Variants in MYO10 observed in about 807,000 individuals in gnomAD.
MYO10 encodes the protein myosin X, also known as unconventional myosin-X.
Under a neutral mutation model 257.3 loss-of-function variants are expected in MYO10, and 133 were observed. The observed-to-expected ratio is 0.52, with a 90% CI of 0.45 to 0.60. The LOEUF is 0.60. MYO10 is among the 20% of genes least tolerant of loss of function. MYO10 has a pLI of 0.00. For synonymous variants in MYO10, 1,104 were observed against 1,028.6 expected (o/e 1.07, Z -1.40); for missense variants, 2,399 against 2,635.7 (o/e 0.91, Z 1.97).
Position 16,676,139 on chromosome 5 carries a change from A to C in MYO10, c.4558T>G (p.Ser1520Ala). Residue 1520 changes from serine to alanine, a missense_variant, in exon 34 of 41, where the codon TCG (serine) becomes GCG (alanine). Coordinates refer to ENST00000513610, the MANE Select transcript of MYO10 (RefSeq NM_012334.3). ...TTGTAAATCTGTTCCACCACATCCG[A>C]GTTCAGGCAGTTCTCCTAAAAATAA... is the stretch of plus-strand genomic sequence containing the variant. ...IQDIKENCLN[S>A]DVVEQIYKRN... 1 of 1,612,622 alleles carries C rather than the reference A, an allele frequency of 6.2e-7. No individual in the cohort carries two copies. The highest frequency in any genetic ancestry group is 8.5e-7 in the Non-Finnish European group (1 of 1,179,516).
rs150097459 is a variant in MYO10, at chr5:16,680,135, C to T, written c.4385-31G>A. 15,254 of 1,593,398 alleles carry T rather than the reference C, an allele frequency of 9.6e-3. 95 individuals are homozygous for T. Among genetic ancestry groups the T allele is most frequent in the Non-Finnish European group, 0.01 (12,222 of 1,165,136 alleles). On this transcript the variant is annotated intron_variant, in intron 32 of 40. Coordinates refer to ENST00000513610, the MANE Select transcript of MYO10 (RefSeq NM_012334.3). The stretch of plus-strand genomic sequence containing the variant: ...ATGGCAGGGGTGCCCAGCACACGCA[C>T]GTCAACGCCAACCTCGGGGACTGAG...
intron 19 of MYO10, among the ~76,000 whole-genome samples, chr5:16,720,255 C>T (rs1358082087): frequency 2.0e-5 from 3 of 152,018 alleles, no homozygotes; most frequent in East Asian, 3.9e-4. Context: ...AGGAGCTGAG[C>T]ATCACACCGA....
intron 4 of MYO10, among the ~76,000 whole-genome samples, chr5:16,790,409 G>A (rs952494139): frequency 1.3e-5 from 2 of 152,152 alleles, no homozygotes; most frequent in African/African-American, 4.8e-5. Context: ...GTTTGGCTGT[G>A]TCCCCACCCA....
intron 2 of MYO10, among the ~76,000 whole-genome samples, chr5:16,833,832 A>G (rs530669966): frequency 2.6e-5 from 4 of 152,346 alleles, no homozygotes; most frequent in East Asian, 1.9e-4. Context: ...GATCATGCAC[A>G]TAAGTATTGT....
intron 19 of MYO10, among the ~76,000 whole-genome samples, chr5:16,733,855 C>T (rs562710339): frequency 2.6e-5 from 4 of 152,220 alleles, no homozygotes; most frequent in African/African-American, 9.6e-5. Flanking sequence ...CACGAGTTGA[C>T]GGCTCGGCAT....
intron 1 of MYO10, among the ~76,000 whole-genome samples, chr5:16,927,693 G>A (rs940332212): frequency 8.5e-5 from 13 of 152,228 alleles, no homozygotes; most frequent in Admixed American, 4.6e-4. Flanking sequence ...GCAGGGAGTC[G>A]GACTGGGTGA....
At chr5:16,791,925 C>A (rs1405263354) in intron 4 of MYO10, among the ~76,000 whole-genome samples, 1 of 152,096 alleles carries the variant, frequency 6.6e-6, no homozygotes, top group Non-Finnish European at 1.5e-5. Context: ...CTATATTAAG[C>A]AGCCGCTTCA....
chr5:16,736,025 C>G (rs1179443766), intron 19 of MYO10, among the ~76,000 whole-genome samples: 1 of 152,124 alleles, frequency 6.6e-6, no homozygotes, highest in East Asian at 1.9e-4. Context: ...CCGAATAAAG[C>G]ACAATCTATG....
chr5:16,896,456 C>A (rs1745221094), intron 1 of MYO10, among the ~76,000 whole-genome samples: 1 of 152,026 alleles, frequency 6.6e-6, no homozygotes, highest in South Asian at 2.1e-4. Context: ...ATTAGCTGGG[C>A]ATGGTAGCAC....
At chr5:16,668,143 C>A (rs1736262610) in intron 40 of MYO10, 134 bp downstream of exon 40, 8 of 935,804 alleles carry the variant, frequency 8.5e-6, no homozygotes, top group Non-Finnish European at 1.1e-5. Context: ...AAAGGGACCA[C>A]CACACTGTAT....
At chr5:16,896,505 A>G (rs933983210) in intron 1 of MYO10, among the ~76,000 whole-genome samples, 11 of 152,150 alleles carry the variant, frequency 7.2e-5, no homozygotes, top group Non-Finnish European at 1.3e-4. Flanking sequence ...CTGAGGCAGA[A>G]CTGCTTGAAC....
At chr5:16,751,891 C>T (rs1740387776) in intron 19 of MYO10, among the ~76,000 whole-genome samples, 1 of 152,078 alleles carries the variant, frequency 6.6e-6, no homozygotes, top group Admixed American at 6.6e-5. Flanking sequence ...TAAAGTGAGC[C>T]AATACAAATG....
chr5:16,680,296 G>A (rs1736931599), intron 32 of MYO10, among the ~76,000 whole-genome samples, 192 bp from the exon 33 acceptor site: 1 of 152,162 alleles, frequency 6.6e-6, no homozygotes, highest in African/African-American at 2.4e-5. Flanking sequence ...CTCTTGCACT[G>A]TGACATTTAC....
chr5:16,789,343 G>A (rs1372195044), intron 4 of MYO10, among the ~76,000 whole-genome samples: 1 of 152,118 alleles, frequency 6.6e-6, no homozygotes, highest in Non-Finnish European at 1.5e-5. Flanking sequence ...CAATTCCCTT[G>A]ATCCACATGA....
chr5:16,925,255 CT>C (rs1746101231), intron 1 of MYO10, among the ~76,000 whole-genome samples: 1 of 152,072 alleles, frequency 6.6e-6, no homozygotes, highest in Non-Finnish European at 1.5e-5. Flanking sequence ...CAGAAAGGAC[CT>C]GGATGTGAAA....
chr5:16,836,238 G>T (rs937216944), intron 2 of MYO10, among the ~76,000 whole-genome samples: 1 of 152,026 alleles, frequency 6.6e-6, no homozygotes, highest in Non-Finnish European at 1.5e-5. Flanking sequence ...ATTTTAGAAT[G>T]CGATGGAATC....
chr5:16,731,710 G>A (rs1408500210), intron 19 of MYO10, among the ~76,000 whole-genome samples: 1 of 152,184 alleles, frequency 6.6e-6, no homozygotes, highest in East Asian at 1.9e-4. Flanking sequence ...AGGAAAGCGT[G>A]GACATTACCC....
At chr5:16,796,809 G>A (rs1007725478) in intron 3 of MYO10, among the ~76,000 whole-genome samples, 1 of 152,182 alleles carries the variant, frequency 6.6e-6, no homozygotes, top group African/African-American at 2.4e-5. Flanking sequence ...CTAATCCCAA[G>A]TACTTAAGAA....
chr5:16,815,188 C>A, intron 3 of MYO10: 1 of 401,160 alleles, frequency 2.5e-6, no homozygotes, highest in Non-Finnish European at 4.4e-6. Flanking sequence ...TGTGTTTTTT[C>A]TCTAATGACA....
Sources: gnomAD v4.1 joint callset for allele counts (sites outside exome capture counted in the v4.1 genomes callset) on GRCh38, gnomAD v4.1.1 for gene constraint, MANE v1.5 for transcripts, NCBI Gene and HGNC (gene_info 2026-07-23, HGNC 2026-07-21) for gene names.